ARHGAP6: variants seen among roughly 807,000 people sequenced by gnomAD.
ARHGAP6 encodes rho GTPase-activating protein 6.
A neutral mutation model predicts 55.7 loss-of-function variants in ARHGAP6; 16 were observed. That is an observed-to-expected ratio of 0.29 (90% CI 0.19 to 0.44). The LOEUF is 0.44. ARHGAP6 is among the 20% of genes least tolerant of loss of function. The probability of loss-of-function intolerance (pLI) is 1.00; values close to 1 mark genes in which losing one functional copy is unlikely to be tolerated. For synonymous variants in ARHGAP6, 382 were observed against 360.9 expected (o/e 1.06, Z -0.66); for missense variants, 698 against 808.9 (o/e 0.86, Z 1.66).
intron 1 of ARHGAP6, among the ~76,000 whole-genome samples, chrX:11,343,533 T>G (rs1385168184): frequency 8.9e-6 from 1 of 112,372 alleles, no homozygotes; most frequent in Non-Finnish European, 1.9e-5. Context: ...AGGGTTAATA[T>G]TCATTTGAAA....
chrX:11,179,434 G>C lies in ARHGAP6; in HGVS notation c.1348C>G (p.Arg450Gly), dbSNP rs899747979. 8.3e-7 allele frequency: 1 copy of C among 1,205,916 alleles called. No individual in the cohort carries two copies. The highest frequency in any genetic ancestry group is 1.8e-5 in the African/African-American group (1 of 56,621). The stretch of plus-strand genomic sequence containing the variant: ...TCCTCCAGAGAGACATCAATCCCAC[G>C]GTCAAATTCCTCACGTAACTGGAAG... Reference protein sequence around the residue: ...RVRQLREEFDRGIDVSLEEEH... With the variant: ...RVRQLREEFDGGIDVSLEEEH... The change falls in exon 7 of 13, where the codon CGT becomes GGT. Residue 450 changes from arginine to glycine, a missense_variant. Transcript: ENST00000337414.
rs193189930 is a variant in ARHGAP6 at position 11,564,143 on chromosome X, A to T, written c.588+100098T>A. Among the ~76,000 whole-genome samples, 10 of 112,150 alleles carry T rather than the reference A, an allele frequency of 8.9e-5. No homozygotes were observed. The East Asian group carries it at 2.8e-3, about 31-fold the overall frequency. ...ATCAGTGTTCAGTGCAACTAGGAAG[A>T]TTTCCAATATATACAGGTTAAATAA... On this transcript the variant is annotated intron_variant, in intron 1 of 12. Transcript: ENST00000337414.
At chrX:11,223,923 A>C (rs1289350489) in intron 2 of ARHGAP6, among the ~76,000 whole-genome samples, 2 of 111,809 alleles carry the variant, frequency 1.8e-5, no homozygotes, top group Non-Finnish European at 3.8e-5. Context: ...TAGCTGCTCT[A>C]GTAGTCAGTT....
chrX:11,503,119 C>A (rs1018676496), intron 1 of ARHGAP6, among the ~76,000 whole-genome samples: 1 of 110,856 alleles, frequency 9.0e-6, no homozygotes, highest in East Asian at 2.8e-4. Flanking sequence ...TGGTGTTGAA[C>A]GCCTGACCTC....
At chrX:11,546,833 C>T (rs1350474657) in intron 1 of ARHGAP6, among the ~76,000 whole-genome samples, 2 of 112,150 alleles carry the variant, frequency 1.8e-5, no homozygotes, top group African/African-American at 6.5e-5. Context: ...TGTTCTACTT[C>T]TCTGATAAAT....
intron 2 of ARHGAP6, among the ~76,000 whole-genome samples, chrX:11,210,946 T>C (rs2046785388): frequency 8.9e-6 from 1 of 112,040 alleles, no homozygotes; most frequent in Non-Finnish European, 1.9e-5. Context: ...AAGTTACACA[T>C]TTGATTAAAG....
At chrX:11,174,514 TTTCTTTCCTTCCTTCCTTCCTTCC>T (rs1448050359) in intron 8 of ARHGAP6, among the ~76,000 whole-genome samples, 6 of 86,817 alleles carry the variant, frequency 6.9e-5, no homozygotes, top group African/African-American at 2.8e-4. Flanking sequence ...CCATTCTTTC[TTTCTTTCCTTCCTTCCTTCCTTCC>T]TTCCTTCCTT....
chrX:11,439,467 T>C (rs1008832831), intron 1 of ARHGAP6, among the ~76,000 whole-genome samples: 1 of 112,246 alleles, frequency 8.9e-6, no homozygotes, highest in Non-Finnish European at 1.9e-5. Context: ...ACCTAAAATA[T>C]CTGGCCTTTT....
intron 1 of ARHGAP6, among the ~76,000 whole-genome samples, chrX:11,585,937 A>G (rs955716908): frequency 1.8e-5 from 2 of 111,396 alleles, no homozygotes; most frequent in South Asian, 3.8e-4. Context: ...ATAAGGTACT[A>G]CACACTTTTA....
chrX:11,428,678 T>C (rs1195781071), intron 1 of ARHGAP6, among the ~76,000 whole-genome samples: 1 of 111,775 alleles, frequency 8.9e-6, no homozygotes, highest in Admixed American at 9.4e-5. Flanking sequence ...ACCGGCTGAA[T>C]GACTCTCCAC....
intron 1 of ARHGAP6, among the ~76,000 whole-genome samples, chrX:11,568,393 C>A (rs1234907674): frequency 8.9e-6 from 1 of 112,560 alleles, no homozygotes; most frequent in Admixed American, 9.4e-5. Flanking sequence ...TCTAAAGATT[C>A]ATTCTCTTCA....
intron 9 of ARHGAP6, among the ~76,000 whole-genome samples, chrX:11,168,985 G>T (rs2046053500): frequency 8.9e-6 from 1 of 111,830 alleles, no homozygotes; most frequent in African/African-American, 3.3e-5. Flanking sequence ...AGGGGAAATG[G>T]TCATAAATTA....
intron 1 of ARHGAP6, among the ~76,000 whole-genome samples, chrX:11,651,046 CTT>C (rs2052578375): frequency 1.8e-5 from 2 of 112,116 alleles, no homozygotes; most frequent in Non-Finnish European, 3.8e-5. Context: ...CTGTATCTGT[CTT>C]TGAGCTCTCT....
Position 11,664,795 on chromosome X carries a change from A to AC in ARHGAP6, c.33_34insG (p.Ser12ValfsTer9). ...CTACTTGAAGCGGGCGAGGAACAGG[A>AC]GAAGACGCTGTGGAGCAGGCTCTGC... On this transcript the variant is annotated frameshift_variant, in exon 1 of 13. Transcript: ENST00000337414. LOFTEE classifies it high-confidence loss of function. 1 of 1,201,626 alleles carries AC rather than the reference A, an allele frequency of 8.3e-7. No homozygotes were observed. Among genetic ancestry groups the AC allele is most frequent in the Non-Finnish European group, 1.1e-6 (1 of 892,142 alleles).
At chrX:11,645,563 T>A (rs2052517783) in intron 1 of ARHGAP6, among the ~76,000 whole-genome samples, 1 of 112,366 alleles carries the variant, frequency 8.9e-6, no homozygotes, top group Admixed American at 9.4e-5. Context: ...CAAACATACG[T>A]ATTTTATTTG....
chrX:11,293,625 T>C (rs777219573), intron 1 of ARHGAP6, among the ~76,000 whole-genome samples: 2 of 112,235 alleles, frequency 1.8e-5, no homozygotes, highest in Non-Finnish European at 3.8e-5. Context: ...AGACTCTGAT[T>C]ACTGAAATGA....
At chrX:11,163,114 G>C in intron 9 of ARHGAP6, among the ~76,000 whole-genome samples, 1 of 111,765 alleles carries the variant, frequency 8.9e-6, no homozygotes. Context: ...TATTTTCTAA[G>C]GGTACCATTT....
chrX:11,319,048 A>G (rs191069293), intron 1 of ARHGAP6, among the ~76,000 whole-genome samples: 56 of 112,537 alleles, frequency 5.0e-4, no homozygotes, highest in African/African-American at 1.6e-3. Flanking sequence ...AGAGAAAAGA[A>G]CAGCTTTTAT....
At chrX:11,570,012 C>T (rs1466974767) in intron 1 of ARHGAP6, among the ~76,000 whole-genome samples, 1 of 112,109 alleles carries the variant, frequency 8.9e-6, no homozygotes, top group African/African-American at 3.2e-5. Context: ...AATCTCAAGT[C>T]TGGAGTATAA....
Sources: gnomAD v4.1 joint callset for allele counts (sites outside exome capture counted in the v4.1 genomes callset) on GRCh38, gnomAD v4.1.1 for gene constraint, MANE v1.5 for transcripts, NCBI Gene and HGNC (gene_info 2026-07-23, HGNC 2026-07-21) for gene names.